SLC41A2: variants seen among roughly 807,000 people sequenced by gnomAD.
SLC41A2 encodes solute carrier family 41 member 2.
A neutral mutation model predicts 58.3 loss-of-function variants in SLC41A2; 32 were observed. The observed-to-expected ratio is 0.55, with a 90% CI of 0.41 to 0.74. SLC41A2 has a LOEUF of 0.74. Among genes scored for constraint, SLC41A2 ranks in the 30% least tolerant of loss-of-function variants. The pLI, the probability that SLC41A2 is intolerant of heterozygous loss-of-function variation, is 0.00. For missense variants in SLC41A2, 514 were observed against 680.6 expected, an observed-to-expected ratio of 0.76 and a Z score of 2.72; for synonymous variants, 190 against 235.0, an observed-to-expected ratio of 0.81 and a Z score of 1.75.
chr12:104,857,338 T>C (rs542751870), intron 8 of SLC41A2, among the ~76,000 whole-genome samples: 2 of 152,312 alleles, frequency 1.3e-5, no homozygotes, highest in South Asian at 4.1e-4. Flanking sequence ...TATGTTAGCA[T>C]GATAAAGGCT....
intron 10 of SLC41A2, among the ~76,000 whole-genome samples, chr12:104,823,734 C>T (rs919681501): frequency 1.3e-5 from 2 of 152,056 alleles, no homozygotes; most frequent in Admixed American, 6.6e-5. Flanking sequence ...ATGAAAAGCA[C>T]TAATCATTTG....
At chr12:104,895,132 T>C in intron 4 of SLC41A2, 142 bp downstream of exon 4, 1 of 548,406 alleles carries the variant, frequency 1.8e-6, no homozygotes, top group Non-Finnish European at 3.2e-6. Context: ...CCATCACTTT[T>C]TCAAGGTACT....
intron 10 of SLC41A2, among the ~76,000 whole-genome samples, chr12:104,822,099 TA>T (rs1174219777): frequency 1.6e-4 from 25 of 151,914 alleles, no homozygotes; most frequent in Admixed American, 1.6e-3. Context: ...ATATTCAAAC[TA>T]AAGTTGTTTC....
chr12:104,897,626 A>G (rs772644318), intron 3 of SLC41A2, among the ~76,000 whole-genome samples: 5 of 152,322 alleles, frequency 3.3e-5, no homozygotes, highest in Admixed American at 6.5e-5. Flanking sequence ...AAAACAATGT[A>G]TGACATAAAA....
At chr12:104,873,828 T>C (rs2043906966) in intron 6 of SLC41A2, among the ~76,000 whole-genome samples, 1 of 152,136 alleles carries the variant, frequency 6.6e-6, no homozygotes, top group Admixed American at 6.5e-5. Context: ...TATGTGCTCT[T>C]GGGGGAAATG....
intron 10 of SLC41A2, among the ~76,000 whole-genome samples, chr12:104,811,736 C>G (rs1246474544): frequency 3.3e-5 from 5 of 152,190 alleles, no homozygotes; most frequent in African/African-American, 1.2e-4. Flanking sequence ...TGGTAACTCA[C>G]TGACCAGGGC....
chr12:104,842,337 C>T (rs1462590136), intron 10 of SLC41A2, among the ~76,000 whole-genome samples: 2 of 151,706 alleles, frequency 1.3e-5, no homozygotes, highest in Non-Finnish European at 2.9e-5. Flanking sequence ...TGTCAGGCTG[C>T]AAATGCAAAG....
chr12:104,823,651 AAAAGCTAAAACTAG>A (rs1756857340), intron 10 of SLC41A2, among the ~76,000 whole-genome samples: 1 of 152,168 alleles, frequency 6.6e-6, no homozygotes, highest in Non-Finnish European at 1.5e-5. Flanking sequence ...AGACTCAAAT[AAAAGCTAAAACTAG>A]AAAATCTCTA....
intron 8 of SLC41A2, among the ~76,000 whole-genome samples, chr12:104,852,908 C>T (rs1042907351): frequency 6.6e-6 from 1 of 152,226 alleles, no homozygotes; most frequent in Admixed American, 6.5e-5. Context: ...AGTCTGTCAA[C>T]ATTTCTTTTA....
At chr12:104,821,298 A>C (rs1490316323) in intron 10 of SLC41A2, among the ~76,000 whole-genome samples, 1 of 152,108 alleles carries the variant, frequency 6.6e-6, no homozygotes, top group Non-Finnish European at 1.5e-5. Context: ...CATAATATTA[A>C]AAAAAATTCC....
intron 10 of SLC41A2, among the ~76,000 whole-genome samples, chr12:104,809,974 T>G (rs553439595): frequency 1.3e-5 from 2 of 152,192 alleles, no homozygotes; most frequent in African/African-American, 4.8e-5. Flanking sequence ...GTGACTAACT[T>G]AAAAAGTAGA....
chr12:104,897,195 G>T (rs556505847), intron 3 of SLC41A2, among the ~76,000 whole-genome samples: 7 of 146,522 alleles, frequency 4.8e-5, no homozygotes, highest in African/African-American at 1.8e-4. Context: ...ACCCAGGCTG[G>T]AGTACAGTGG....
At chr12:104,846,759 G>A (rs1342106119) in intron 8 of SLC41A2, among the ~76,000 whole-genome samples, 1 of 152,136 alleles carries the variant, frequency 6.6e-6, no homozygotes, top group Non-Finnish European at 1.5e-5. Context: ...CAGGGTAGCC[G>A]GAGCATGCCC....
intron 6 of SLC41A2, among the ~76,000 whole-genome samples, chr12:104,880,242 G>A (rs143040083): frequency 7.2e-5 from 11 of 152,144 alleles, no homozygotes; most frequent in Middle Eastern, 6.8e-3. Flanking sequence ...TTCTAAATGC[G>A]CAATCATGCC....
intron 1 of SLC41A2, among the ~76,000 whole-genome samples, chr12:104,938,104 A>G (rs554040631): frequency 9.1e-4 from 138 of 152,060 alleles, no homozygotes; most frequent in Non-Finnish European, 1.6e-3. Flanking sequence ...TATCCATACT[A>G]GCAAAAAAAA....
At chr12:104,887,843 C>A (rs948743306) in intron 5 of SLC41A2, among the ~76,000 whole-genome samples, 2 of 151,940 alleles carry the variant, frequency 1.3e-5, no homozygotes, top group African/African-American at 4.8e-5. Context: ...ACAAATATGG[C>A]TAAGAGTTTC....
At chr12:104,847,369 C>T (rs1464774556) in intron 8 of SLC41A2, among the ~76,000 whole-genome samples, 1 of 151,626 alleles carries the variant, frequency 6.6e-6, no homozygotes, top group Non-Finnish European at 1.5e-5. Flanking sequence ...TTTGGGGGGC[C>T]GAGGTGGGTG....
intron 1 of SLC41A2, among the ~76,000 whole-genome samples, chr12:104,935,568 T>A (rs1419905240): frequency 1.3e-5 from 2 of 152,166 alleles, no homozygotes; most frequent in East Asian, 3.8e-4. Context: ...AATCCTGGAT[T>A]AAATTGGATG....
At chr12:104,874,685 G>C (rs2043962599) in intron 6 of SLC41A2, among the ~76,000 whole-genome samples, 1 of 152,006 alleles carries the variant, frequency 6.6e-6, no homozygotes, top group South Asian at 2.1e-4. Context: ...GTTTACTTCT[G>C]GGCTCTCTAT....
Sources: allele counts gnomAD v4.1 joint callset (sites outside exome capture counted in the v4.1 genomes callset), GRCh38; gene constraint gnomAD v4.1.1; transcripts MANE v1.5; gene names NCBI Gene and HGNC (gene_info 2026-07-23, HGNC 2026-07-21).